The following WDR17 variants were observed in gnomAD, a reference collection of about 807,000 sequenced individuals.
The protein encoded by WDR17 is WD repeat domain 17.
In WDR17, 143 loss-of-function variants were observed where a neutral mutation model predicts 161.7. The observed-to-expected ratio is 0.88, with a 90% confidence interval of 0.77 to 1.02. The LOEUF is 1.02. WDR17 is among the 50% of genes least tolerant of loss of function. The probability of loss-of-function intolerance (pLI) is 0.00; values close to 1 mark genes in which losing one functional copy is unlikely to be tolerated. For synonymous variants in WDR17, 517 were observed against 515.6 expected (o/e 1.00, Z -0.04); for missense variants, 1,469 against 1,520.9 (o/e 0.97, Z 0.57).
rs533065512 is a variant in WDR17 at position 176,089,972 on chromosome 4, T to A, written c.-6-21603T>A. On this transcript the variant is annotated intron_variant, in intron 1 of 28. Coordinates refer to ENST00000508596, the MANE Select transcript of WDR17 (RefSeq NM_181265.4). ...CAAGCATAACTCGGAATTTCTGTATTTTTGCCTGCCTGGTCATTATTTTAT... is the reference window on the plus strand; with the variant it reads ...CAAGCATAACTCGGAATTTCTGTATATTTGCCTGCCTGGTCATTATTTTAT... 7.9e-5 allele frequency among the ~76,000 whole-genome samples: 12 copies of A among 152,280 alleles called. 1 individual carries two copies. In the South Asian group the frequency reaches 2.1e-3, roughly 26 times the overall value.
intron 1 of WDR17, among the ~76,000 whole-genome samples, chr4:176,078,747 A>T (rs1734374708): frequency 6.6e-6 from 1 of 151,870 alleles, no homozygotes; most frequent in Non-Finnish European, 1.5e-5. Flanking sequence ...TTTTTTAATT[A>T]ATTTATTTTG....
At chr4:176,097,332 C>T (rs1327765047) in intron 1 of WDR17, among the ~76,000 whole-genome samples, 1 of 151,894 alleles carries the variant, frequency 6.6e-6, no homozygotes, top group African/African-American at 2.4e-5. Context: ...AGATTTTTCA[C>T]CACTGTTGTT....
At chr4:176,152,063 C>T in intron 17 of WDR17, 96 bp downstream of exon 17, 1 of 1,310,272 alleles carries the variant, frequency 7.6e-7, no homozygotes, top group Non-Finnish European at 1.0e-6. Context: ...AAAAGCTCAG[C>T]ACTTTGGAGG....
At chr4:176,110,578 GTTT>G (rs928378139) in intron 1 of WDR17, among the ~76,000 whole-genome samples, 3 of 152,048 alleles carry the variant, frequency 2.0e-5, no homozygotes, top group African/African-American at 7.2e-5. Context: ...GCACAAATGT[GTTT>G]TTTAAGTATG....
intron 18 of WDR17, among the ~76,000 whole-genome samples, chr4:176,159,277 A>AGG (rs1416300813): frequency 7.3e-6 from 1 of 137,158 alleles, no homozygotes. Context: ...ACACACATGC[A>AGG]CACACACACA....
intron 1 of WDR17, among the ~76,000 whole-genome samples, chr4:176,091,702 C>A (rs1011265844): frequency 1.3e-5 from 2 of 151,804 alleles, no homozygotes; most frequent in East Asian, 3.9e-4. Context: ...AGTTGGTTTT[C>A]AGAAAAGATA....
At position 176,182,384 on chromosome 4, in the gene WDR17, T is replaced by C. The variant is rs1752243376; in HGVS notation, c.*2805T>C. The C allele has an allele frequency of 7.9e-6, 1 of 125,912 alleles. No individual in the cohort carries two copies. Among genetic ancestry groups the C allele is most frequent in the Non-Finnish European group, 1.6e-5 (1 of 61,612 alleles). The allele number at this position is 125,912 out of a possible 1,614,324, so 7.8% of individuals were successfully genotyped here. On this transcript the variant is annotated 3_prime_UTR_variant, in exon 29 of 29. Transcript: ENST00000508596. This position sits in a 1 kb window ranked among gnomAD's most constrained non-coding sequence, Gnocchi z 4.2. ...TATATATACATGTATGTATGAAATA[T>C]ATATATGTGCGTGTGTGTGTGTATA...
intron 19 of WDR17, among the ~76,000 whole-genome samples, chr4:176,160,662 C>T (rs1364906525): frequency 6.6e-6 from 1 of 152,206 alleles, no homozygotes; most frequent in Admixed American, 6.6e-5. Flanking sequence ...CATCTCTGAA[C>T]TCTAAACTTT....
chr4:176,078,851 CA>C (rs1329642649), intron 1 of WDR17, among the ~76,000 whole-genome samples: 3 of 151,968 alleles, frequency 2.0e-5, no homozygotes, highest in African/African-American at 7.3e-5. Context: ...TCTGTCACCT[CA>C]AATATTTATC....
chr4:176,116,780 T>G (rs1740714307), intron 3 of WDR17, among the ~76,000 whole-genome samples: 1 of 151,932 alleles, frequency 6.6e-6, no homozygotes, highest in Non-Finnish European at 1.5e-5. Context: ...TTATAGGCAA[T>G]TATCTTTAAA....
At chr4:176,111,516 A>G in intron 1 of WDR17, 59 bp from the exon 2 acceptor site, 1 of 1,556,182 alleles carries the variant, frequency 6.4e-7, no homozygotes, top group Middle Eastern at 1.7e-4. Flanking sequence ...GATGTAAAAC[A>G]ATGAGGAAGT....
chr4:176,156,162 G>A lies in WDR17; in HGVS notation c.2525+19G>A, dbSNP rs764816609. ...TGCAGAGGTAAGGCAGAGAGAGTCC[G>A]TGTTAAAACAGATGTTTTAAAATCA... On this transcript the variant is annotated intron_variant, in intron 18 of 28. Coordinates refer to ENST00000508596, the MANE Select transcript of WDR17 (RefSeq NM_181265.4). The A allele has an allele frequency of 8.1e-6, 13 of 1,605,978 alleles. No homozygotes were observed. The highest frequency in any genetic ancestry group is 5.1e-5 in the Admixed American group (3 of 58,682).
intron 23 of WDR17, among the ~76,000 whole-genome samples, chr4:176,171,824 A>G (rs993349759): frequency 6.6e-6 from 1 of 152,108 alleles, no homozygotes; most frequent in African/African-American, 2.4e-5. Flanking sequence ...ATGAAATTTC[A>G]TGGATGAAAA....
chr4:176,123,585 T>A (rs1741943692), intron 4 of WDR17, among the ~76,000 whole-genome samples: 1 of 152,174 alleles, frequency 6.6e-6, no homozygotes, highest in South Asian at 2.1e-4. Context: ...CTTTCTTACC[T>A]TATTATAAAG....
chr4:176,073,079 G>T (rs181267420), intron 1 of WDR17, among the ~76,000 whole-genome samples: 171 of 151,988 alleles, frequency 1.1e-3, no homozygotes, highest in African/African-American at 4.0e-3. Context: ...AGGACTTCCT[G>T]TGCCATCTTT....
At chr4:176,101,323 A>AC (rs1393501279) in intron 1 of WDR17, among the ~76,000 whole-genome samples, 1 of 151,888 alleles carries the variant, frequency 6.6e-6, no homozygotes, top group Non-Finnish European at 1.5e-5. Flanking sequence ...TGCTCACTCT[A>AC]CCCCCATATC....
chr4:176,127,857 T>C (rs1325509747), intron 5 of WDR17, among the ~76,000 whole-genome samples: 1 of 152,216 alleles, frequency 6.6e-6, no homozygotes, highest in Non-Finnish European at 1.5e-5. Context: ...TTTCTATCTC[T>C]GTGGACTTGC....
chr4:176,175,739 C>T (rs4543067), intron 26 of WDR17, among the ~76,000 whole-genome samples: 145,318 of 151,966 alleles, frequency 0.96, 69,803 homozygotes, highest in East Asian at 1. Flanking sequence ...TTGTATTTTT[C>T]TAGTAGAGAC....
At chr4:176,088,732 A>T (rs975759554) in intron 1 of WDR17, among the ~76,000 whole-genome samples, 18 of 152,290 alleles carry the variant, frequency 1.2e-4, no homozygotes, top group African/African-American at 4.1e-4. Context: ...TGGATCCCAA[A>T]CACATTTCCT....
Sources: gnomAD v4.1 joint callset for allele counts (sites outside exome capture counted in the v4.1 genomes callset) on GRCh38, gnomAD v4.1.1 for gene constraint, Gnocchi (gnomAD v3.1) non-coding constraint, MANE v1.5 for transcripts, NCBI Gene and HGNC (gene_info 2026-07-23, HGNC 2026-07-21) for gene names.